PTPRM: variants seen among roughly 807,000 people sequenced by gnomAD.
PTPRM encodes receptor-type tyrosine-protein phosphatase mu.
PTPRM carries 47 observed loss-of-function variants against 186.7 expected under a neutral mutation model. That is an observed-to-expected ratio of 0.25 (90% CI 0.20 to 0.32). The LOEUF (loss-of-function observed/expected upper bound fraction) is 0.32. PTPRM is among the 10% of genes least tolerant of loss of function. The pLI, the probability that PTPRM is intolerant of heterozygous loss-of-function variation, is 1.00. For synonymous variants in PTPRM, 668 were observed against 674.9 expected, an observed-to-expected ratio of 0.99 and a Z score of 0.16; for missense variants, 1,494 against 1,865.0, an observed-to-expected ratio of 0.80 and a Z score of 3.66.
At position 8,253,317 on chromosome 18, in the gene PTPRM, C is replaced by T. The variant is rs763801435; in HGVS notation, c.2657C>T (p.Thr886Ile). ...KREPADVPYQ[T>I]GQLHPAIRVA... Reference sequence around the variant, plus strand: ...GAGCCGGCCGACGTGCCCTATCAGACTGGGCAGCTCCACCCCGCCATCCGG... The same window carrying T: ...GAGCCGGCCGACGTGCCCTATCAGATTGGGCAGCTCCACCCCGCCATCCGG... Residue 886 changes from threonine (T) to isoleucine (I), a missense_variant, in exon 19 of 33, where the codon ACT becomes ATT. Coordinates refer to ENST00000580170, the MANE Select transcript of PTPRM (RefSeq NM_001105244.2). 1.9e-6 allele frequency: 3 copies of T among 1,598,656 alleles called. No homozygotes were observed. Among genetic ancestry groups the T allele is most frequent in the Non-Finnish European group, 2.6e-6 (3 of 1,172,694 alleles).
intron 19 of PTPRM, among the ~76,000 whole-genome samples, chr18:8,285,172 G>GT (rs1336961088): frequency 6.6e-6 from 1 of 152,142 alleles, no homozygotes. Flanking sequence ...AGCCAACATG[G>GT]TTTTTTCCAC....
In PTPRM at chr18:7,990,785, T is replaced by C. The variant is rs191750265; in HGVS notation, c.1132+35371T>C. Among the ~76,000 whole-genome samples, 239 of 152,246 alleles carry C rather than the reference T, an allele frequency of 1.6e-3. 1 individual carries two copies. Among genetic ancestry groups the C allele is most frequent in the Non-Finnish European group, 2.2e-3 (153 of 68,020 alleles). ...TGTTTTTTTCTTCAAGGATAGACTC[T>C]GTGTTAATGTCAGCCCAGTTCTCTG... On this transcript the variant is annotated intron_variant, in intron 7 of 32. Transcript: ENST00000580170.
intron 19 of PTPRM, among the ~76,000 whole-genome samples, chr18:8,267,817 C>A (rs1024357854): frequency 6.6e-6 from 1 of 151,866 alleles, no homozygotes; most frequent in African/African-American, 2.4e-5. Flanking sequence ...TTTAAAAGAT[C>A]TTTGCCAATT....
intron 2 of PTPRM, among the ~76,000 whole-genome samples, chr18:7,881,882 T>A (rs1448376942): frequency 6.6e-6 from 1 of 152,164 alleles, no homozygotes; most frequent in Non-Finnish European, 1.5e-5. Context: ...CTTTCCCTCT[T>A]CATTTTCTTC....
chr18:7,664,765 G>A (rs1280445425), intron 1 of PTPRM, among the ~76,000 whole-genome samples: 3 of 152,176 alleles, frequency 2.0e-5, no homozygotes, highest in South Asian at 2.1e-4. Flanking sequence ...ACCCAGCCAG[G>A]TTCAAGGGGA....
intron 11 of PTPRM, among the ~76,000 whole-genome samples, chr18:8,104,371 A>G (rs2091426472): frequency 6.6e-6 from 1 of 152,140 alleles, no homozygotes; most frequent in South Asian, 2.1e-4. Flanking sequence ...TAATTCTTAA[A>G]TGCAATACTT....
chr18:7,837,462 AT>A (rs139653116), intron 2 of PTPRM, among the ~76,000 whole-genome samples: 22 of 149,572 alleles, frequency 1.5e-4, no homozygotes, highest in Middle Eastern at 3.5e-3. Context: ...CTCAAAACAC[AT>A]TTTTTTTTTG....
chr18:8,386,120 T>C (rs1431202850), intron 30 of PTPRM, among the ~76,000 whole-genome samples: 2 of 152,090 alleles, frequency 1.3e-5, no homozygotes, highest in African/African-American at 4.8e-5. Flanking sequence ...GATCAGAAGC[T>C]CAATTGTAGA....
intron 9 of PTPRM, among the ~76,000 whole-genome samples, chr18:8,078,905 G>A (rs1055871048): frequency 2.0e-5 from 3 of 152,244 alleles, no homozygotes; most frequent in South Asian, 2.1e-4. Context: ...GCCCAAAGCC[G>A]TTCACGAAGG....
chr18:8,101,271 G>T (rs999464782), intron 11 of PTPRM, among the ~76,000 whole-genome samples: 1 of 152,140 alleles, frequency 6.6e-6, no homozygotes, highest in Admixed American at 6.5e-5. Context: ...AAGGACAGCT[G>T]GGAGAATTAG....
intron 2 of PTPRM, among the ~76,000 whole-genome samples, chr18:7,796,553 A>G (rs2043660528): frequency 6.6e-6 from 1 of 152,142 alleles, no homozygotes; most frequent in Admixed American, 6.5e-5. Context: ...GTGTCACCCA[A>G]GGGGGTGTCC....
At chr18:8,043,387 C>T (rs1426405551) in intron 7 of PTPRM, among the ~76,000 whole-genome samples, 3 of 152,078 alleles carry the variant, frequency 2.0e-5, no homozygotes, top group Admixed American at 6.5e-5. Context: ...CTGTGTGATC[C>T]CCTGACATTA....
intron 1 of PTPRM, among the ~76,000 whole-genome samples, chr18:7,750,065 G>T (rs1252782395): frequency 6.6e-6 from 1 of 152,126 alleles, no homozygotes; most frequent in African/African-American, 2.4e-5. Flanking sequence ...TACTTGATAA[G>T]GGTTTCCATA....
intron 28 of PTPRM, 149 bp downstream of exon 28, chr18:8,379,489 C>T: frequency 3.3e-6 from 3 of 903,898 alleles, no homozygotes; most frequent in Non-Finnish European, 4.7e-6. Context: ...TTTCAGATTC[C>T]ACGTATGTTT....
intron 24 of PTPRM, among the ~76,000 whole-genome samples, chr18:8,372,164 CG>C (rs2095667104): frequency 7.1e-6 from 1 of 141,276 alleles, no homozygotes; most frequent in Admixed American, 7.3e-5. Flanking sequence ...CTCCGCTTCC[CG>C]GGTTCACGCC....
chr18:8,240,777 GGAGAGAGAGAGAGAGAGAGA>G (rs747648655), intron 14 of PTPRM, among the ~76,000 whole-genome samples: 1,744 of 57,312 alleles, frequency 0.03, 44 homozygotes, highest in East Asian at 0.11. Context: ...AGAGAGAGAG[GGAGAGAGAGAGAGAGAGAGA>G]GAGAGAGAGA....
chr18:8,017,582 C>CAAAAAAAA (rs71354586), intron 7 of PTPRM, among the ~76,000 whole-genome samples: 1 of 64,716 alleles, frequency 1.5e-5, no homozygotes. Context: ...GACTCCTTCT[C>CAAAAAAAA]AAAAAAAAAA....
chr18:7,750,426 A>G (rs1215435530), intron 1 of PTPRM, among the ~76,000 whole-genome samples: 1 of 152,214 alleles, frequency 6.6e-6, no homozygotes, highest in African/African-American at 2.4e-5. Flanking sequence ...CTCACTGGCT[A>G]TGCCTGGTCT....
At chr18:7,932,889 C>T (rs954828078) in intron 5 of PTPRM, among the ~76,000 whole-genome samples, 9 of 152,168 alleles carry the variant, frequency 5.9e-5, no homozygotes, top group Admixed American at 1.3e-4. Context: ...GAGATTTTCA[C>T]GTTCCATGGT....
Sources: allele counts gnomAD v4.1 joint callset (sites outside exome capture counted in the v4.1 genomes callset), GRCh38; gene constraint gnomAD v4.1.1; transcripts MANE v1.5; gene names NCBI Gene and HGNC (gene_info 2026-07-23, HGNC 2026-07-21).